ANKRD34A: variants seen among roughly 807,000 people sequenced by gnomAD.
ANKRD34A encodes ankyrin repeat domain 34A.
A neutral mutation model predicts 27.1 loss-of-function variants in ANKRD34A; 7 were observed. The ratio of observed to expected loss-of-function variants is 0.26; its 90% CI spans 0.15 to 0.49. The LOEUF (loss-of-function observed/expected upper bound fraction) is 0.49. Among genes scored for constraint, ANKRD34A ranks in the 20% least tolerant of loss-of-function variants. The probability of loss-of-function intolerance (pLI) is 0.99; values close to 1 mark genes in which losing one functional copy is unlikely to be tolerated. For synonymous variants in ANKRD34A, 301 were observed against 300.8 expected, an observed-to-expected ratio of 1.00 and a Z score of -0.01; for missense variants, 472 against 682.1, an observed-to-expected ratio of 0.69 and a Z score of 3.43.
Position 145,960,299 on chromosome 1 carries a change from A to T in ANKRD34A, c.1461T>A (p.Ser487Arg), listed in dbSNP as rs372802981. Residue 487 changes from serine to arginine, a missense_variant, in exon 4 of 4, where the codon AGT becomes AGA. This residue lies in a region of ANKRD34A where 53 missense variants were observed against 70.3 expected (regional missense o/e 0.75). Coordinates refer to ENST00000606888, the MANE Select transcript of ANKRD34A (RefSeq NM_001039888.4). The surrounding 1 kb of genome is among the most constrained non-coding windows in gnomAD (Gnocchi z 5.5). The stretch of plus-strand genomic sequence containing the variant: ...GCCCTGGCTCCCCAGGCCCACCTAG[A>T]CTCTGGAAGCCCCCCAGCAGGCGGA... Reference protein sequence around the residue: ...EQIRLLGGFQSLGGPGEPGR With the variant: ...EQIRLLGGFQRLGGPGEPGR The T allele has an allele frequency of 1.2e-5, 19 of 1,572,772 alleles. No individual in the cohort carries two copies. The highest frequency in any genetic ancestry group is 1.6e-5 in the Non-Finnish European group (18 of 1,157,320).
In ANKRD34A at chr1:145,960,734, G is replaced by C. The variant is rs1649709558; in HGVS notation, c.1026C>G (p.Asp342Glu). 2.5e-6 allele frequency: 4 copies of C among 1,614,226 alleles called. No homozygotes were observed. The highest frequency in any genetic ancestry group is 3.4e-6 in the Non-Finnish European group (4 of 1,180,032). The change falls in exon 4 of 4, where the codon GAC (aspartate) becomes GAG (glutamate). Residue 342 changes from aspartate (D) to glutamate (E), a missense_variant. Asp to Glu is a conservative substitution (Grantham distance 45, BLOSUM62 2). Transcript: ENST00000606888. This position sits in a 1 kb window ranked among gnomAD's most constrained non-coding sequence, Gnocchi z 5.5. ...KLSRMEPVEL[D>E]TPGHLCPDSP... is the part of the protein sequence containing the mutation. Reference sequence around the variant, plus strand: ...AGTCAGGGCAAAGGTGTCCAGGGGTGTCCAGCTCCACTGGCTCCATGCGGC... The same window carrying C: ...AGTCAGGGCAAAGGTGTCCAGGGGTCTCCAGCTCCACTGGCTCCATGCGGC...
rs1553761318 is a variant in ANKRD34A, at chr1:145,961,137, T to C, written c.623A>G (p.Glu208Gly). The C allele has an allele frequency of 6.2e-7, 1 of 1,614,084 alleles. No individual in the cohort carries two copies. Among genetic ancestry groups the C allele is most frequent in the Non-Finnish European group, 8.5e-7 (1 of 1,179,974 alleles). The part of the protein sequence containing the change: ...GMLSPRAQEE[E>G]EKRDVFEFPL... ...GAATTCAAATACGTCCCGCTTCTCC[T>C]CTTCTTCCTGGGCGCGAGGGGATAA... is the stretch of plus-strand genomic sequence containing the variant. Residue 208 changes from glutamate to glycine, a missense_variant, in exon 4 of 4, where the codon GAG (glutamate) becomes GGG (glycine). Glu to Gly is a moderately conservative substitution (Grantham distance 98). Around this residue, in one of 4 missense-constraint regions of ANKRD34A, gnomAD observed 295 missense variants for 335.0 expected, o/e 0.88. Coordinates refer to ENST00000606888, the MANE Select transcript of ANKRD34A (RefSeq NM_001039888.4). This position sits in a 1 kb window ranked among gnomAD's most constrained non-coding sequence, Gnocchi z 9.5.
At position 145,961,899 on chromosome 1, in the gene ANKRD34A, T is replaced by C. The variant is rs1649783023; in HGVS notation, c.-120-20A>G. The C allele has an allele frequency of 9.7e-7, 1 of 1,026,712 alleles. No individual in the cohort carries two copies. The highest frequency in any genetic ancestry group is 1.6e-5 in the African/African-American group (1 of 60,962). 63.6% of individuals were successfully genotyped at this position (1,026,712 alleles called of 1,614,324 possible). On this transcript the variant is annotated intron_variant, in intron 3 of 3. Transcript: ENST00000606888. This position sits in a 1 kb window ranked among gnomAD's most constrained non-coding sequence, Gnocchi z 9.5. ...CGATCCCTGCAAGAGAGACATCTCATTGATAGATTCGGCAGGAAAACTGAG... is the reference window on the plus strand; with the variant it reads ...CGATCCCTGCAAGAGAGACATCTCACTGATAGATTCGGCAGGAAAACTGAG...
chr1:145,962,022 G>A (rs1440891759), intron 3 of ANKRD34A, 143 bp from the exon 4 acceptor site: 4 of 504,120 alleles, frequency 7.9e-6, no homozygotes, highest in South Asian at 2.4e-5. Flanking sequence ...CCCCCGCAGC[G>A]CATGCCTGAG....
At position 145,960,380 on chromosome 1, in the gene ANKRD34A, G is replaced by C; in HGVS notation, c.1380C>G (p.Gly460=). The C allele has an allele frequency of 6.2e-7, 1 of 1,613,900 alleles. No homozygotes were observed. Among genetic ancestry groups the C allele is most frequent in the Non-Finnish European group, 8.5e-7 (1 of 1,179,914 alleles). Reference sequence around the variant, plus strand: ...CCAATTTGCGCTTGGTCCTGGGAGAGCCTGGCGCCCCGGCATAAGGAGGGG... The same window carrying C: ...CCAATTTGCGCTTGGTCCTGGGAGACCCTGGCGCCCCGGCATAAGGAGGGG... ...LPAPPYAGAP[G]SPRTKRKLVR... Residue 460 remains glycine (G), a synonymous_variant, in exon 4 of 4, where the codon GGC becomes GGG. Coordinates refer to ENST00000606888, the MANE Select transcript of ANKRD34A (RefSeq NM_001039888.4). The surrounding 1 kb of genome is among the most constrained non-coding windows in gnomAD (Gnocchi z 5.5).
rs587752514 is a variant in ANKRD34A at position 145,960,021 on chromosome 1, C to G, written c.*248G>C. Reference sequence around the variant, plus strand: ...CTGTGCCTGTAGGTACACAAGTAATCCCATATGCATGTGAAATGACCAGGG... The same window carrying G: ...CTGTGCCTGTAGGTACACAAGTAATGCCATATGCATGTGAAATGACCAGGG... On this transcript the variant is annotated 3_prime_UTR_variant, in exon 4 of 4. Transcript: ENST00000606888. The surrounding 1 kb of genome is among the most constrained non-coding windows in gnomAD (Gnocchi z 5.5). 3 of 431,488 alleles carry G rather than the reference C, an allele frequency of 7.0e-6. No homozygotes were observed. The highest frequency in any genetic ancestry group is 7.2e-5 in the East Asian group (2 of 27,770). The allele number at this position is 431,488 out of a possible 1,614,324, so 26.7% of individuals were successfully genotyped here.
rs900468326 is a variant in ANKRD34A at position 145,960,644 on chromosome 1, A to C, written c.1116T>G (p.Pro372=). 91 of 1,591,514 alleles carry C rather than the reference A, an allele frequency of 5.7e-5. No individual in the cohort carries two copies. The highest frequency in any genetic ancestry group is 7.6e-5 in the Non-Finnish European group (89 of 1,166,774). The change falls in exon 4 of 4, where the codon CCT becomes CCG. Residue 372 remains proline, a synonymous_variant. Transcript: ENST00000606888. The surrounding 1 kb of genome is among the most constrained non-coding windows in gnomAD (Gnocchi z 5.5). ...GCGGAGAGGGAGCCGAGCCGGCTGGAGGGAGGGTCAACGGGGAGGCGCTGT... is the reference window on the plus strand; with the variant it reads ...GCGGAGAGGGAGCCGAGCCGGCTGGCGGGAGGGTCAACGGGGAGGCGCTGT... The part of the protein sequence containing the change: ...RRYSASPLTL[P]PAGSAPSPRQ...
rs1553760957 is a variant in ANKRD34A, at chr1:145,959,512, C to T, written c.*757G>A. Reference sequence around the variant, plus strand: ...ATTTAGGGTTTCTCCCCACTTCTACCTGTGGGGGTGTTCATAAGCTCAGAC... The same window carrying T: ...ATTTAGGGTTTCTCCCCACTTCTACTTGTGGGGGTGTTCATAAGCTCAGAC... On this transcript the variant is annotated 3_prime_UTR_variant, in exon 4 of 4. Transcript: ENST00000606888. The T allele has an allele frequency of 1.2e-5, 2 of 167,032 alleles. No homozygotes were observed. Among genetic ancestry groups the T allele is most frequent in the African/African-American group, 2.4e-5 (1 of 41,412 alleles). The allele number at this position is 167,032 out of a possible 1,614,324, so 10.3% of individuals were successfully genotyped here. A position where few individuals can be genotyped will look rare whatever the true frequency, so the allele number is the denominator to read the frequency against.
In ANKRD34A at chr1:145,960,590, T is replaced by C; in HGVS notation, c.1170A>G (p.Ala390=). ...PRQSQESLPG[A]VSPLSGRRRS... ...GCCTCCTTCCGCTTAGCGGAGATAC[T>C]GCCCCTGGCAGACTCTCCTGGGACT... Residue 390 remains alanine, a synonymous_variant, in exon 4 of 4, where the codon GCA becomes GCG. Transcript: ENST00000606888. The surrounding 1 kb of genome is among the most constrained non-coding windows in gnomAD (Gnocchi z 5.5). The C allele has an allele frequency of 6.3e-7, 1 of 1,583,732 alleles. No individual in the cohort carries two copies. The highest frequency in any genetic ancestry group is 8.6e-7 in the Non-Finnish European group (1 of 1,162,970).
In ANKRD34A at chr1:145,963,520, G is replaced by C. The variant is rs1379029443; in HGVS notation, c.-879C>G. On this transcript the variant is annotated 5_prime_UTR_variant, in exon 2 of 4. Coordinates refer to ENST00000606888, the MANE Select transcript of ANKRD34A (RefSeq NM_001039888.4). Reference sequence around the variant, plus strand: ...CATAGCTTCCATCCACATATTTTAGGAATGAGTTTGTGTCCAGCTGGAAGG... The same window carrying C: ...CATAGCTTCCATCCACATATTTTAGCAATGAGTTTGTGTCCAGCTGGAAGG... The C allele has an allele frequency of 6.6e-6, 1 of 152,066 alleles. No individual in the cohort carries two copies. The highest frequency in any genetic ancestry group is 1.5e-5 in the Non-Finnish European group (1 of 68,032). 9.4% of individuals were successfully genotyped at this position (152,066 alleles called of 1,614,324 possible). A position where few individuals can be genotyped will look rare whatever the true frequency, so the allele number is the denominator to read the frequency against.
At position 145,961,901 on chromosome 1, in the gene ANKRD34A, G is replaced by T; in HGVS notation, c.-120-22C>A. On this transcript the variant is annotated intron_variant, in intron 3 of 3. Transcript: ENST00000606888. The surrounding 1 kb of genome is among the most constrained non-coding windows in gnomAD (Gnocchi z 9.5). The stretch of plus-strand genomic sequence containing the variant: ...ATCCCTGCAAGAGAGACATCTCATT[G>T]ATAGATTCGGCAGGAAAACTGAGGC... 9.9e-7 allele frequency: 1 copy of T among 1,011,224 alleles called. No individual in the cohort carries two copies. Among genetic ancestry groups the T allele is most frequent in the Non-Finnish European group, 1.4e-6 (1 of 715,286 alleles). The allele number at this position is 1,011,224 out of a possible 1,614,324, so 62.6% of individuals were successfully genotyped here. A position where few individuals can be genotyped will look rare whatever the true frequency, so the allele number is the denominator to read the frequency against.
At position 145,961,851 on chromosome 1, in the gene ANKRD34A, G is replaced by T. The variant is rs1182864085; in HGVS notation, c.-92C>A. 1.4e-6 allele frequency: 2 copies of T among 1,397,722 alleles called. No individual in the cohort carries two copies. The highest frequency in any genetic ancestry group is 1.4e-5 in the African/African-American group (1 of 69,088). The allele number at this position is 1,397,722 out of a possible 1,614,324, so 86.6% of individuals were successfully genotyped here. On this transcript the variant is annotated 5_prime_UTR_variant, in exon 4 of 4. Transcript: ENST00000606888. The surrounding 1 kb of genome is among the most constrained non-coding windows in gnomAD (Gnocchi z 9.5). ...TGGGGAGGGGGAGTGGCTGGCAGAG[G>T]CCTGAGGTCTCAGTGACGAAGCCGA...
At position 145,961,194 on chromosome 1, in the gene ANKRD34A, A is replaced by C. The variant is rs782585685; in HGVS notation, c.566T>G (p.Leu189Arg). The C allele has an allele frequency of 3.1e-6, 5 of 1,613,928 alleles. No individual in the cohort carries two copies. ...GFCTSPSEIQ[L>R]QTAGGGGRGM... ...ACGCCCTCCTCCTCCAGCGGTCTGC[A>C]GTTGGATTTCCGAAGGCGACGTGCA... The change falls in exon 4 of 4, where the codon CTG (leucine) becomes CGG (arginine). Residue 189 changes from leucine to arginine, a missense_variant. Leu to Arg is a moderately radical substitution (Grantham distance 102, BLOSUM62 -2). This residue lies in a region of ANKRD34A where 295 missense variants were observed against 335.0 expected (regional missense o/e 0.88). Transcript: ENST00000606888. This position sits in a 1 kb window ranked among gnomAD's most constrained non-coding sequence, Gnocchi z 9.5.
chr1:145,961,003 C>T lies in ANKRD34A; in HGVS notation c.757G>A (p.Val253Met), dbSNP rs1649729926. 3.7e-6 allele frequency: 6 copies of T among 1,613,918 alleles called. No homozygotes were observed. The highest frequency in any genetic ancestry group is 2.2e-5 in the South Asian group (2 of 91,082). ...GGTGGGACTGGTTGAGGAGGGGCCA[C>T]TAGGCCCCAGGGCTCGGAGTTGAGC... ...KRLNSEPWGLVAPPQPVPPTE... is the reference protein window; with the variant it reads ...KRLNSEPWGLMAPPQPVPPTE... Residue 253 changes from valine (V) to methionine (M), a missense_variant, in exon 4 of 4, where the codon GTG becomes ATG. Val to Met is a conservative substitution (Grantham distance 21). Transcript: ENST00000606888. The surrounding 1 kb of genome is among the most constrained non-coding windows in gnomAD (Gnocchi z 9.5).
chr1:145,963,016 C>T (rs1464318472), intron 2 of ANKRD34A, 48 bp from the exon 3 acceptor site: 1 of 152,392 alleles, frequency 6.6e-6, no homozygotes, highest in Non-Finnish European at 1.5e-5. Context: ...CAGCCGGTGT[C>T]CATACTGTGC....
rs73004696 is a variant in ANKRD34A, at chr1:145,963,832, C to T, written c.-896-295G>A. Among the ~76,000 whole-genome samples the T allele has an allele frequency of 4.0e-3, 611 of 152,252 alleles. 4 individuals are homozygous for T. The highest frequency in any genetic ancestry group is 0.014 in the African/African-American group (580 of 41,506). ...TTCTTGTTACAGATGAGGAAACAGA[C>T]TTAATAAGGTTAAGCAAGCTCTCCA... On this transcript the variant is annotated intron_variant, in intron 1 of 3. Coordinates refer to ENST00000606888, the MANE Select transcript of ANKRD34A (RefSeq NM_001039888.4).
chr1:145,960,607 C>T lies in ANKRD34A; in HGVS notation c.1153G>A (p.Glu385Lys). 1.3e-6 allele frequency: 2 copies of T among 1,585,916 alleles called. No homozygotes were observed. The highest frequency in any genetic ancestry group is 1.7e-6 in the Non-Finnish European group (2 of 1,164,234). The change falls in exon 4 of 4, where the codon GAG becomes AAG. Residue 385 changes from glutamate (E) to lysine (K), a missense_variant. This residue lies in a region of ANKRD34A where 295 missense variants were observed against 335.0 expected (regional missense o/e 0.88). Coordinates refer to ENST00000606888, the MANE Select transcript of ANKRD34A (RefSeq NM_001039888.4). This position sits in a 1 kb window ranked among gnomAD's most constrained non-coding sequence, Gnocchi z 5.5. ...GGAGATACTGCCCCTGGCAGACTCT[C>T]CTGGGACTGGCGCGGAGAGGGAGCC... ...GSAPSPRQSQ[E>K]SLPGAVSPLS...
Position 145,961,912 on chromosome 1 carries a change from C to T in ANKRD34A, c.-120-33G>A. 1.1e-6 allele frequency: 1 copy of T among 932,838 alleles called. No individual in the cohort carries two copies. Among genetic ancestry groups the T allele is most frequent in the Non-Finnish European group, 1.6e-6 (1 of 644,762 alleles). 57.8% of individuals were successfully genotyped at this position (932,838 alleles called of 1,614,324 possible). A position where few individuals can be genotyped will look rare whatever the true frequency, so the allele number is the denominator to read the frequency against. On this transcript the variant is annotated intron_variant, in intron 3 of 3. Coordinates refer to ENST00000606888, the MANE Select transcript of ANKRD34A (RefSeq NM_001039888.4). The surrounding 1 kb of genome is among the most constrained non-coding windows in gnomAD (Gnocchi z 9.5). The stretch of plus-strand genomic sequence containing the variant: ...AGAGACATCTCATTGATAGATTCGG[C>T]AGGAAAACTGAGGCACAGATGCAGG...
In ANKRD34A at chr1:145,961,524, GTGCGCCCTAATCGGTC is replaced by G; in HGVS notation, c.220_235del (p.Asp74ArgfsTer174). On this transcript the variant is annotated frameshift_variant, in exon 4 of 4. Transcript: ENST00000606888. LOFTEE classifies it high-confidence loss of function. The surrounding 1 kb of genome is among the most constrained non-coding windows in gnomAD (Gnocchi z 9.5). ...CCCGGCGCAAGCGTGCATGAGCGCC[GTGCGCCCTAATCGGTC>G]TGCGATATTGGGGTCCGCGCCTTGC... 1 of 1,579,028 alleles carries G rather than the reference GTGCGCCCTAATCGGTC, an allele frequency of 6.3e-7. No homozygotes were observed. The highest frequency in any genetic ancestry group is 8.6e-7 in the Non-Finnish European group (1 of 1,162,748).
Sources: gnomAD v4.1 joint callset for allele counts (sites outside exome capture counted in the v4.1 genomes callset) on GRCh38, gnomAD v4.1.1 for gene constraint, gnomAD v4.1.1 regional missense constraint, Gnocchi (gnomAD v3.1) non-coding constraint, MANE v1.5 for transcripts, NCBI Gene and HGNC (gene_info 2026-07-23, HGNC 2026-07-21) for gene names.